ZNF574: variants seen among roughly 807,000 people sequenced by gnomAD.
The protein encoded by ZNF574 is zinc finger protein 574.
In ZNF574, 25 loss-of-function variants were observed where a neutral mutation model predicts 56.6. The observed-to-expected ratio is 0.44, with a 90% CI of 0.32 to 0.62. ZNF574 has a LOEUF of 0.62. Among genes scored for constraint, ZNF574 ranks in the 20% least tolerant of loss-of-function variants. The pLI is 0.04. For missense variants in ZNF574, 1,065 were observed against 1,218.9 expected (o/e 0.87, Z 1.88); for synonymous variants, 543 against 492.1 (o/e 1.10, Z -1.37).
chr19:42,071,170 C>A (rs908818025), upstream of ZNF574, among the ~76,000 whole-genome samples: 1 of 151,642 alleles, frequency 6.6e-6, no homozygotes, highest in Non-Finnish European at 1.5e-5. Flanking sequence ...AGGGCAGAGC[C>A]AGAAGTGGGA....
upstream of ZNF574, among the ~76,000 whole-genome samples, chr19:42,073,367 T>C (rs2076437074): frequency 6.6e-6 from 1 of 152,148 alleles, no homozygotes; most frequent in Admixed American, 6.5e-5. Context: ...TAGTTATTAT[T>C]ATTAGGCTCC....
At position 42,081,505 on chromosome 19, in the gene ZNF574, C is replaced by T. The variant is rs2076502413; in HGVS notation, c.*208C>T. On this transcript the variant is annotated 3_prime_UTR_variant, in exon 2 of 2. Transcript: ENST00000359044. ...CCCCCCCACCTTCCACCTCTTAGCA[C>T]TGGTGACCCCAAAAATGAAACCATC... The T allele has an allele frequency of 1.5e-6, 1 of 646,232 alleles. No individual in the cohort carries two copies. Among genetic ancestry groups the T allele is most frequent in the Admixed American group, 2.8e-5 (1 of 35,758 alleles). The allele number at this position is 646,232 out of a possible 1,614,324, so 40.0% of individuals were successfully genotyped here.
At chr19:42,077,015 A>G (rs569498240) in intron 1 of ZNF574, among the ~76,000 whole-genome samples, 12 of 152,180 alleles carry the variant, frequency 7.9e-5, no homozygotes, top group Admixed American at 6.5e-4. Context: ...TTTTTTAAGT[A>G]CAGGTAATTA....
At position 42,081,334 on chromosome 19, in the gene ZNF574, G is replaced by A. The variant is rs2076500802; in HGVS notation, c.*37G>A. The A allele has an allele frequency of 1.2e-6, 2 of 1,613,294 alleles. No individual in the cohort carries two copies. The highest frequency in any genetic ancestry group is 3.3e-5 in the Admixed American group (2 of 59,996). On this transcript the variant is annotated 3_prime_UTR_variant, in exon 2 of 2. Transcript: ENST00000359044. ...TTCCTCTTTGGCACCTCCATTCCCT[G>A]TTGCTGAAGGCCCTCCAGCATCCCC...
chr19:42,069,917 G>A (rs559762437), intron 1 of ZNF574, among the ~76,000 whole-genome samples: 1 of 152,244 alleles, frequency 6.6e-6, no homozygotes, highest in South Asian at 2.1e-4. Context: ...GCCAAGAAGG[G>A]GGCAAATGAG....
chr19:42,076,391 C>T (rs1291876568), intron 1 of ZNF574, 105 bp downstream of exon 1: 1 of 151,920 alleles, frequency 6.6e-6, no homozygotes, highest in African/African-American at 2.4e-5. Context: ...GGGGTGCGCG[C>T]CGGGCAGTTA....
At chr19:42,069,167 C>A (rs1401128819) in intron 1 of ZNF574, 3 of 389,186 alleles carry the variant, frequency 7.7e-6, no homozygotes, top group African/African-American at 2.1e-5. Flanking sequence ...GTGGTGCCCC[C>A]CTGCCAGGCG....
Position 42,079,954 on chromosome 19 carries a change from C to G in ZNF574, c.1348C>G (p.Pro450Ala). ...GACTGGAGAGCCAGAGGCCCCTGAG[C>G]CCCCTGTGTCTGAGGAGACCTCAGC... The part of the protein sequence containing the change: ...AETGEPEAPE[P>A]PVSEETSAGP... The change falls in exon 2 of 2, where the codon CCC becomes GCC. Residue 450 changes from proline (P) to alanine (A), a missense_variant. By Grantham distance (27) the Pro-to-Ala change is conservative. Transcript: ENST00000359044. The surrounding 1 kb of genome is among the most constrained non-coding windows in gnomAD (Gnocchi z 4.3). The G allele has an allele frequency of 2.5e-6, 4 of 1,613,836 alleles. No homozygotes were observed. The highest frequency in any genetic ancestry group is 3.4e-6 in the Non-Finnish European group (4 of 1,180,034).
chr19:42,078,550 G>A (rs1190179842), intron 1 of ZNF574, 37 bp from the exon 2 acceptor site: 12 of 1,555,030 alleles, frequency 7.7e-6, no homozygotes, highest in African/African-American at 1.4e-5. Context: ...AGGAATCGGT[G>A]ACCTAACTGG....
rs35898322 is a variant in ZNF574 at position 42,080,738 on chromosome 19, C to G, written c.2132C>G (p.Thr711Ser). ...CCTGCCCCTCGAGCCCCACGGGCCA[C>G]TCGTGCACCAGTTGCCTCTCCAGCA... Reference protein sequence around the residue: ...EPPAPRAPRATRAPVASPAAL... With the variant: ...EPPAPRAPRASRAPVASPAAL... The change falls in exon 2 of 2, where the codon ACT becomes AGT. Residue 711 changes from threonine to serine, a missense_variant. Physicochemically the swap from Thr to Ser is moderately conservative, Grantham distance 58. Transcript: ENST00000359044. This position sits in a 1 kb window ranked among gnomAD's most constrained non-coding sequence, Gnocchi z 8.5. 4.3e-3 allele frequency: 6,977 copies of G among 1,613,836 alleles called. 239 individuals carry two copies. The African/African-American group carries it at 0.082, about 19-fold the overall frequency.
At chr19:42,068,732 T>C in exon 1 of ZNF574, 1 of 499,612 alleles carries the variant, frequency 2.0e-6, no homozygotes, top group Non-Finnish European at 3.6e-6. Context: ...CAACCTGGGC[T>C]AACAGCAAAG....
At position 42,079,188 on chromosome 19, in the gene ZNF574, T is replaced by C; in HGVS notation, c.582T>C (p.Thr194=). The change falls in exon 2 of 2, where the codon ACT becomes ACC. Residue 194 remains threonine (T), a synonymous_variant. Coordinates refer to ENST00000359044, the MANE Select transcript of ZNF574 (RefSeq NM_022752.6). The surrounding 1 kb of genome is among the most constrained non-coding windows in gnomAD (Gnocchi z 4.3). ...CAGAAGAGGGTGGGGAAGGGGCGAC[T>C]GTCCCATCTGCCGCTGCCACCACCA... is the stretch of plus-strand genomic sequence containing the variant. ...RKAEEGGEGA[T]VPSAAATTTE... 6.2e-7 allele frequency: 1 copy of C among 1,613,910 alleles called. No individual in the cohort carries two copies. Among genetic ancestry groups the C allele is most frequent in the Non-Finnish European group, 8.5e-7 (1 of 1,180,018 alleles).
chr19:42,068,975 CAAGT>C (rs2076383391), intron 1 of ZNF574: 1 of 572,960 alleles, frequency 1.7e-6, no homozygotes. Flanking sequence ...AGTGAGAGCC[CAAGT>C]AAGAGCAATC....
At position 42,081,037 on chromosome 19, in the gene ZNF574, GA is replaced by G; in HGVS notation, c.2433del (p.Glu811AspfsTer128). On this transcript the variant is annotated frameshift_variant, in exon 2 of 2. Coordinates refer to ENST00000359044, the MANE Select transcript of ZNF574 (RefSeq NM_022752.6). LOFTEE classifies it high-confidence loss of function. ...KAFAISMRLA[E>X]HRRIHTGERP... ...CTTTGCCATCTCCATGCGCCTGGCA[GA>G]ACATCGCCGCATCCACACAGGCGAA... 1 of 1,614,228 alleles carries G rather than the reference GA, an allele frequency of 6.2e-7. No homozygotes were observed. Among genetic ancestry groups the G allele is most frequent in the Non-Finnish European group, 8.5e-7 (1 of 1,180,054 alleles).
At position 42,080,397 on chromosome 19, in the gene ZNF574, C is replaced by T; in HGVS notation, c.1791C>T (p.His597=). 6.2e-7 allele frequency: 1 copy of T among 1,614,258 alleles called. No homozygotes were observed. The highest frequency in any genetic ancestry group is 8.5e-7 in the Non-Finnish European group (1 of 1,180,044). The change falls in exon 2 of 2, where the codon CAC becomes CAT. Residue 597 remains histidine, a synonymous_variant. Transcript: ENST00000359044. This position sits in a 1 kb window ranked among gnomAD's most constrained non-coding sequence, Gnocchi z 8.5. ...RFHRPYRLLM[H]RYHHTGEYPY... is the part of the protein sequence containing the mutation. The stretch of plus-strand genomic sequence containing the variant: ...ACCGTCCTTACCGCCTGCTCATGCA[C>T]CGCTACCATCACACAGGTGAATACC...
intron 1 of ZNF574, among the ~76,000 whole-genome samples, chr19:42,077,283 T>A (rs1431187962): frequency 1.3e-5 from 2 of 151,706 alleles, no homozygotes; most frequent in Non-Finnish European, 2.9e-5. Flanking sequence ...CTAAAGGGGG[T>A]TTGGGCAGCA....
At chr19:42,071,301 G>A (rs1303360473), upstream of ZNF574, among the ~76,000 whole-genome samples, 3 of 113,824 alleles carry the variant, frequency 2.6e-5, no homozygotes, top group Non-Finnish European at 5.3e-5. Context: ...TGGGTGGGGG[G>A]TGAAATTTGG....
chr19:42,075,814 G>C (rs1052497466), upstream of ZNF574, among the ~76,000 whole-genome samples: 7 of 151,908 alleles, frequency 4.6e-5, no homozygotes, highest in East Asian at 1.3e-3. Flanking sequence ...CCCCAAAATG[G>C]CGCCCGCGGC....
At chr19:42,073,931 G>A (rs547259098), upstream of ZNF574, among the ~76,000 whole-genome samples, 5 of 150,120 alleles carry the variant, frequency 3.3e-5, no homozygotes, top group South Asian at 6.3e-4. Context: ...TCAAGAGTTC[G>A]AGACCAGCCT....
Sources: gnomAD v4.1 joint callset for allele counts (sites outside exome capture counted in the v4.1 genomes callset) on GRCh38, gnomAD v4.1.1 for gene constraint, Gnocchi (gnomAD v3.1) non-coding constraint, MANE v1.5 for transcripts, NCBI Gene and HGNC (gene_info 2026-07-23, HGNC 2026-07-21) for gene names.